HFM1: variants seen among roughly 807,000 people sequenced by gnomAD.
The protein encoded by HFM1 is probable ATP-dependent DNA helicase HFM1.
A neutral mutation model predicts 192.1 loss-of-function variants in HFM1; 169 were observed. The ratio of observed to expected loss-of-function variants is 0.88; its 90% CI spans 0.78 to 1.00. HFM1 has a LOEUF of 1.00. Among genes scored for constraint, HFM1 ranks in the 50% least tolerant of loss-of-function variants. The pLI, the probability that HFM1 is intolerant of heterozygous loss-of-function variation, is 0.00. For missense variants in HFM1, 1,661 were observed against 1,668.0 expected (o/e 1.00, Z 0.07); for synonymous variants, 525 against 537.8 (o/e 0.98, Z 0.33).
intron 13 of HFM1, among the ~76,000 whole-genome samples, chr1:91,354,307 A>G (rs935538628): frequency 6.6e-6 from 1 of 151,928 alleles, no homozygotes; most frequent in African/African-American, 2.4e-5. Flanking sequence ...AAGAGAAAAG[A>G]ACAAAAAAGA....
At chr1:91,295,680 T>C (rs1260511519) in intron 30 of HFM1, among the ~76,000 whole-genome samples, 1 of 152,216 alleles carries the variant, frequency 6.6e-6, no homozygotes, top group Non-Finnish European at 1.5e-5. Context: ...TTCTGTGAGT[T>C]GCACCCTTCA....
At chr1:91,285,433 C>A (rs919597011) in intron 30 of HFM1, among the ~76,000 whole-genome samples, 1 of 151,988 alleles carries the variant, frequency 6.6e-6, no homozygotes, top group Non-Finnish European at 1.5e-5. Flanking sequence ...TTAATAACAC[C>A]ATTTGACAAG....
At position 91,260,772 on chromosome 1, in the gene HFM1, T is replaced by C. The variant is rs575224143; in HGVS notation, c.*518A>G. On this transcript the variant is annotated 3_prime_UTR_variant, in exon 39 of 39. Transcript: ENST00000370425. ...AAATGAAAACAACAATCTATACTGA[T>C]TAATGTTTCATTTATTGTTGCTCAA... 6.6e-6 allele frequency: 1 copy of C among 152,222 alleles called. No homozygotes were observed. Among genetic ancestry groups the C allele is most frequent in the South Asian group, 2.1e-4 (1 of 4,824 alleles). The allele number at this position is 152,222 out of a possible 1,614,324, so 9.4% of individuals were successfully genotyped here. A position where few individuals can be genotyped will look rare whatever the true frequency, so the allele number is the denominator to read the frequency against.
intron 9 of HFM1, among the ~76,000 whole-genome samples, 180 bp downstream of exon 9, chr1:91,378,883 T>A (rs1033214329): frequency 6.6e-6 from 1 of 152,164 alleles, no homozygotes; most frequent in Non-Finnish European, 1.5e-5. Context: ...ATTTGTCTTT[T>A]ACTTACTGAT....
intron 13 of HFM1, among the ~76,000 whole-genome samples, chr1:91,359,078 A>C (rs772736238): frequency 6.6e-6 from 1 of 152,186 alleles, no homozygotes; most frequent in African/African-American, 2.4e-5. Flanking sequence ...CCAACAACAA[A>C]AAAGATCCCA....
chr1:91,276,688 A>T lies in HFM1; in HGVS notation c.3528T>A (p.Tyr1176Ter), dbSNP rs763115821. 6.4e-7 allele frequency: 1 copy of T among 1,568,068 alleles called. No individual in the cohort carries two copies. The highest frequency in any genetic ancestry group is 8.6e-7 in the Non-Finnish European group (1 of 1,163,360). ...CATTCCTGTTTCTTAAATCAGATAA[A>T]TATGAAGAAATTGTTGACTCTTTAA... ...SEIKESTISS[Y>*]LSDLRNRNAV... Residue 1176 changes from tyrosine to a stop codon, truncating the protein, a stop_gained, in exon 32 of 39, where the codon TAT (tyrosine) becomes TAA (stop). Coordinates refer to ENST00000370425, the MANE Select transcript of HFM1 (RefSeq NM_001017975.6). LOFTEE classifies it high-confidence loss of function.
Position 91,350,815 on chromosome 1 carries a change from G to A in HFM1, c.2129C>T (p.Thr710Met), listed in dbSNP as rs80085795. The A allele has an allele frequency of 5.0e-6, 8 of 1,608,610 alleles. No individual in the cohort carries two copies. The highest frequency in any genetic ancestry group is 4.0e-5 in the African/African-American group (3 of 74,768). The change falls in exon 18 of 39, where the codon ACG becomes ATG. Residue 710 changes from threonine to methionine, a missense_variant. By Grantham distance (81) the Thr-to-Met change is moderately conservative. Coordinates refer to ENST00000370425, the MANE Select transcript of HFM1 (RefSeq NM_001017975.6). ...CCATTCCACAGCAATATTCACATCC[G>A]TGATGGTATGCAGTACTATCTCTGC... ...LNAEIVLHTI[T>M]DVNIAVEWIR...
In HFM1 at chr1:91,319,089, A is replaced by C; in HGVS notation, c.2801T>G (p.Leu934Arg). The change falls in exon 25 of 39, where the codon CTG becomes CGG. Residue 934 changes from leucine (L) to arginine (R), a missense_variant. Physicochemically the swap from Leu to Arg is moderately radical, Grantham distance 102. Transcript: ENST00000370425. ...TATTCAGTACCTACCAATTTTTTCC[A>C]GTTGTTTGGATACATGCAGAGAGTT... is the stretch of plus-strand genomic sequence containing the variant. ...WENSLHVSKQ[L>R]EKIGITLSNA... 6.3e-7 allele frequency: 1 copy of C among 1,590,140 alleles called. No individual in the cohort carries two copies. Among genetic ancestry groups the C allele is most frequent in the Non-Finnish European group, 8.5e-7 (1 of 1,173,810 alleles).
At chr1:91,328,479 T>C (rs1002218232) in intron 20 of HFM1, 6 of 1,613,460 alleles carry the variant, frequency 3.7e-6, no homozygotes, top group Admixed American at 1.7e-5. Flanking sequence ...AGGTGGCCAT[T>C]GATGCCTCTA....
chr1:91,375,228 C>G, intron 13 of HFM1, 130 bp downstream of exon 13: 1 of 626,200 alleles, frequency 1.6e-6, no homozygotes, highest in Non-Finnish European at 2.8e-6. Flanking sequence ...TCAAAATTAT[C>G]ATTATCCTTA....
chr1:91,343,536 T>TACTAA, intron 19 of HFM1, 26 bp from the exon 20 acceptor site: 2 of 942,050 alleles, frequency 2.1e-6, no homozygotes, highest in Non-Finnish European at 3.2e-6. Flanking sequence ...AAACACATTT[T>TACTAA]AATTTTAGTA....
chr1:91,324,999 T>C (rs1652673304), intron 20 of HFM1, among the ~76,000 whole-genome samples: 1 of 152,138 alleles, frequency 6.6e-6, no homozygotes, highest in Non-Finnish European at 1.5e-5. Context: ...AAAAATCAGG[T>C]ACCAGCTTGG....
At chr1:91,271,434 T>C (rs1320720928) in intron 34 of HFM1, among the ~76,000 whole-genome samples, 1 of 152,108 alleles carries the variant, frequency 6.6e-6, no homozygotes, top group African/African-American at 2.4e-5. Context: ...TGTGCTTAAG[T>C]CATTTTGAGT....
Position 91,352,638 on chromosome 1 carries a change from A to C in HFM1, c.1845T>G (p.Thr615=), listed in dbSNP as rs771734215. The change falls in exon 16 of 39, where the codon ACT becomes ACG. Residue 615 remains threonine (T), a synonymous_variant. Coordinates refer to ENST00000370425, the MANE Select transcript of HFM1 (RefSeq NM_001017975.6). ...GDLPVLFTTS[T]LAMGVNLPAH... ...CAGGCAAATTTACTCCCATAGCTAAAGTACTGGTAGTAACTGCATCAGATT... is the reference window on the plus strand; with the variant it reads ...CAGGCAAATTTACTCCCATAGCTAACGTACTGGTAGTAACTGCATCAGATT... 1 of 1,605,444 alleles carries C rather than the reference A, an allele frequency of 6.2e-7. No individual in the cohort carries two copies. The highest frequency in any genetic ancestry group is 2.2e-5 in the East Asian group (1 of 44,620).
At chr1:91,309,552 C>T (rs1406258842) in intron 30 of HFM1, among the ~76,000 whole-genome samples, 1 of 152,042 alleles carries the variant, frequency 6.6e-6, no homozygotes, top group Non-Finnish European at 1.5e-5. Context: ...TAAGATACAG[C>T]CTAAGAACAA....
At chr1:91,403,679 T>A (rs527953354) in intron 1 of HFM1, among the ~76,000 whole-genome samples, 22 of 152,292 alleles carry the variant, frequency 1.4e-4, no homozygotes, top group African/African-American at 5.3e-4. Flanking sequence ...TCATCCCAGG[T>A]AGTTTTAAGT....
At chr1:91,305,314 CAATT>C (rs1649437244) in intron 30 of HFM1, among the ~76,000 whole-genome samples, 1 of 152,104 alleles carries the variant, frequency 6.6e-6, no homozygotes, top group African/African-American at 2.4e-5. Context: ...AAATATTTTT[CAATT>C]TATTTAGAAC....
intron 36 of HFM1, among the ~76,000 whole-genome samples, chr1:91,262,863 T>C (rs1665298036): frequency 1.3e-5 from 2 of 152,178 alleles, no homozygotes; most frequent in African/African-American, 4.8e-5. Flanking sequence ...TTGAGTCTTA[T>C]GCTTAATTGT....
At chr1:91,356,689 A>C (rs1657786660) in intron 13 of HFM1, among the ~76,000 whole-genome samples, 1 of 149,992 alleles carries the variant, frequency 6.7e-6, no homozygotes, top group African/African-American at 2.5e-5. Context: ...CTTTGAAAAA[A>C]TAAAATAAAC....
Sources: gnomAD v4.1 joint callset for allele counts (sites outside exome capture counted in the v4.1 genomes callset) on GRCh38, gnomAD v4.1.1 for gene constraint, MANE v1.5 for transcripts, NCBI Gene and HGNC (gene_info 2026-07-23, HGNC 2026-07-21) for gene names.